Variants in CBL observed in about 807,000 individuals in gnomAD.
CBL encodes the protein E3 ubiquitin-protein ligase CBL.
CBL carries 45 observed loss-of-function variants against 96.9 expected under a neutral mutation model. The observed-to-expected ratio is 0.46, with a 90% CI of 0.37 to 0.60. CBL has a LOEUF of 0.60. Among genes scored for constraint, CBL ranks in the 20% least tolerant of loss-of-function variants. The pLI is 0.00. For missense variants in CBL, 1,024 were observed against 1,143.5 expected, an observed-to-expected ratio of 0.90 and a Z score of 1.51; for synonymous variants, 420 against 426.8, an observed-to-expected ratio of 0.98 and a Z score of 0.20.
chr11:119,232,482 T>C lies in CBL; in HGVS notation c.230T>C (p.Leu77Pro). 6.2e-7 allele frequency: 1 copy of C among 1,614,032 alleles called. No individual in the cohort carries two copies. The highest frequency in any genetic ancestry group is 8.5e-7 in the Non-Finnish European group (1 of 1,179,926). Residue 77 changes from leucine to proline, a missense_variant, in exon 2 of 16, where the codon CTA (leucine) becomes CCA (proline). Physicochemically the swap from Leu to Pro is moderately conservative, Grantham distance 98 (BLOSUM62 -3). Around this residue, in one of 4 missense-constraint regions of CBL, gnomAD observed 114 missense variants for 117.4 expected, o/e 0.97. Transcript: ENST00000264033. ...VRLCQNPKLALKNSPPYILDL... is the reference protein window; with the variant it reads ...VRLCQNPKLAPKNSPPYILDL... ...TTGTGTCAGAACCCAAAGCTGGCGC[T>C]AAAGAATAGCCCACCTTATATCTTA...
intron 1 of CBL, 26 bp from the exon 2 acceptor site, chr11:119,232,422 T>C (rs1472826744): frequency 1.2e-6 from 2 of 1,611,434 alleles, no homozygotes; most frequent in African/African-American, 2.7e-5. Context: ...CTCCAAGTAA[T>C]AGCCCTTCTT....
At chr11:119,230,679 A>T (rs1344939970) in intron 1 of CBL, among the ~76,000 whole-genome samples, 1 of 152,152 alleles carries the variant, frequency 6.6e-6, no homozygotes, top group East Asian at 1.9e-4. Context: ...TCTCATATGG[A>T]TAACAAAGTT....
At chr11:119,273,305 C>G (rs552694128) in intron 3 of CBL, among the ~76,000 whole-genome samples, 17 of 152,210 alleles carry the variant, frequency 1.1e-4, no homozygotes, top group Non-Finnish European at 2.1e-4. Flanking sequence ...CAGTGGCTCA[C>G]TCCTGTAGTC....
chr11:119,234,489 A>G (rs1309695175), intron 2 of CBL, among the ~76,000 whole-genome samples: 1 of 152,222 alleles, frequency 6.6e-6, no homozygotes, highest in Non-Finnish European at 1.5e-5. Flanking sequence ...CTGAGTTTCT[A>G]AAAAATAATT....
At position 119,284,518 on chromosome 11, in the gene CBL, C is replaced by T. The variant is rs922651610; in HGVS notation, c.1432-451C>T. On this transcript the variant is annotated intron_variant, in intron 9 of 15. Coordinates refer to ENST00000264033, the MANE Select transcript of CBL (RefSeq NM_005188.4). Reference sequence around the variant, plus strand: ...CTCATTATGTTGCCCATACTGGTCTCGAACTCCTGCCTCCCAAAATGTTAG... The same window carrying T: ...CTCATTATGTTGCCCATACTGGTCTTGAACTCCTGCCTCCCAAAATGTTAG... Among the ~76,000 whole-genome samples, 7 of 152,052 alleles carry T rather than the reference C, an allele frequency of 4.6e-5. No individual in the cohort carries two copies. The East Asian group carries it at 5.8e-4, about 13-fold the overall frequency.
chr11:119,250,428 A>G (rs2135279533), intron 2 of CBL, among the ~76,000 whole-genome samples: 1 of 152,126 alleles, frequency 6.6e-6, no homozygotes, highest in African/African-American at 2.4e-5. Flanking sequence ...TTCTTTATGC[A>G]TCTCTCTCCT....
rs1950150934 is a variant in CBL, at chr11:119,307,252, A to G, written c.*7471A>G. 1 of 232,626 alleles carries G rather than the reference A, an allele frequency of 4.3e-6. No homozygotes were observed. The highest frequency in any genetic ancestry group is 8.5e-6 in the Non-Finnish European group (1 of 117,406). The allele number at this position is 232,626 out of a possible 1,614,324, so 14.4% of individuals were successfully genotyped here. ...CAGGTTGCATGCCTTGTCTCCTGCA[A>G]AAGACAGAATGTTTCACAATTCCCA... is the stretch of plus-strand genomic sequence containing the variant. On this transcript the variant is annotated 3_prime_UTR_variant, in exon 16 of 16. Transcript: ENST00000264033.
rs1591275011 is a variant in CBL, at chr11:119,305,953, A to G, written c.*6172A>G. ...TCCATCAAGGGAGGAAGGGTGGGTCATCAGACTTTGCCTTTGATGTTGTAG... is the reference window on the plus strand; with the variant it reads ...TCCATCAAGGGAGGAAGGGTGGGTCGTCAGACTTTGCCTTTGATGTTGTAG... On this transcript the variant is annotated 3_prime_UTR_variant, in exon 16 of 16. Transcript: ENST00000264033. 13 of 287,318 alleles carry G rather than the reference A, an allele frequency of 4.5e-5. No individual in the cohort carries two copies. The East Asian group carries it at 6.2e-4, about 14-fold the overall frequency. 17.8% of individuals were successfully genotyped at this position (287,318 alleles called of 1,614,324 possible).
At chr11:119,258,898 C>A (rs1003167999) in intron 2 of CBL, among the ~76,000 whole-genome samples, 5 of 152,200 alleles carry the variant, frequency 3.3e-5, no homozygotes, top group Non-Finnish European at 5.9e-5. Flanking sequence ...ACTGATTCTT[C>A]CAGTCCCTGA....
At position 119,273,898 on chromosome 11, in the gene CBL, G is replaced by A. The variant is rs1291060400; in HGVS notation, c.621G>A (p.Gln207=). Residue 207 remains glutamine (Q), a synonymous_variant, in exon 4 of 16, where the codon CAG becomes CAA. Transcript: ENST00000264033. Reference sequence around the variant, plus strand: ...TAGTCCCTTGGAAGAGCTTTCGACAGGCTCTACATGAAGTGCATCCCATCA... The same window carrying A: ...TAGTCCCTTGGAAGAGCTTTCGACAAGCTCTACATGAAGTGCATCCCATCA... ...KTIVPWKSFR[Q]ALHEVHPISS... The A allele has an allele frequency of 2.5e-6, 4 of 1,614,104 alleles. No individual in the cohort carries two copies. Among genetic ancestry groups the A allele is most frequent in the Admixed American group, 3.3e-5 (2 of 60,018 alleles).
At chr11:119,275,517 CTT>C (rs56683753) in intron 5 of CBL, among the ~76,000 whole-genome samples, 1 of 152,114 alleles carries the variant, frequency 6.6e-6, no homozygotes, top group Admixed American at 6.6e-5. Flanking sequence ...AAGTTACTCT[CTT>C]TTTAAAAATA....
chr11:119,224,950 C>T (rs1467988895), intron 1 of CBL, among the ~76,000 whole-genome samples: 3 of 151,916 alleles, frequency 2.0e-5, no homozygotes, highest in Non-Finnish European at 4.4e-5. Context: ...TTCGTATAAG[C>T]AGACCCACGC....
At chr11:119,285,632 A>C in intron 11 of CBL, 66 bp downstream of exon 11, 2 of 1,559,226 alleles carry the variant, frequency 1.3e-6, no homozygotes, top group Non-Finnish European at 1.7e-6. Flanking sequence ...ACAGTGGCTC[A>C]TGTCTGTAAT....
chr11:119,278,466 G>A (rs1342173092), intron 8 of CBL, 44 bp from the exon 9 acceptor site: 3 of 1,564,702 alleles, frequency 1.9e-6, no homozygotes, highest in Non-Finnish European at 2.6e-6. Context: ...AATATTTTAA[G>A]TATTTTCAGA....
In CBL at chr11:119,297,168, C is replaced by T. The variant is rs1950069423; in HGVS notation, c.2153+134C>T. On this transcript the variant is annotated intron_variant, in intron 13 of 15. Coordinates refer to ENST00000264033, the MANE Select transcript of CBL (RefSeq NM_005188.4). ...GCAGAAAGATAAAGATAAATCTAGC[C>T]CTTAATGGTTTAAGCCTTTTGTAGC... The T allele has an allele frequency of 5.2e-6, 4 of 772,084 alleles. No individual in the cohort carries two copies. The Admixed American group carries it at 5.3e-5, about 10-fold the overall frequency. 47.8% of individuals were successfully genotyped at this position (772,084 alleles called of 1,614,324 possible). A position where few individuals can be genotyped will look rare whatever the true frequency, so the allele number is the denominator to read the frequency against.
At chr11:119,226,678 G>A (rs1268683527) in intron 1 of CBL, among the ~76,000 whole-genome samples, 1 of 151,874 alleles carries the variant, frequency 6.6e-6, no homozygotes, top group Admixed American at 6.6e-5. Context: ...GGCTGGTCTT[G>A]AACTCCTGAC....
intron 1 of CBL, among the ~76,000 whole-genome samples, chr11:119,221,438 G>A (rs1469399301): frequency 6.6e-6 from 1 of 151,854 alleles, no homozygotes; most frequent in Non-Finnish European, 1.5e-5. Context: ...TTTCTGATTT[G>A]TCTTTGAAAA....
intron 2 of CBL, among the ~76,000 whole-genome samples, chr11:119,237,994 C>G (rs1039893649): frequency 6.6e-6 from 1 of 151,768 alleles, no homozygotes; most frequent in African/African-American, 2.4e-5. Context: ...GCCTCAGCCT[C>G]CTGAGTAGCT....
At chr11:119,250,837 G>A (rs1443260980) in intron 2 of CBL, among the ~76,000 whole-genome samples, 1 of 152,092 alleles carries the variant, frequency 6.6e-6, no homozygotes, top group African/African-American at 2.4e-5. Flanking sequence ...TGTAATTCCA[G>A]CTACTCAAGG....
Sources: allele counts gnomAD v4.1 joint callset (sites outside exome capture counted in the v4.1 genomes callset), GRCh38; gene constraint gnomAD v4.1.1; regional missense constraint gnomAD v4.1.1; transcripts MANE v1.5; gene names NCBI Gene and HGNC (gene_info 2026-07-23, HGNC 2026-07-21).